NDRG3: variants seen among roughly 807,000 people sequenced by gnomAD.
NDRG3 encodes NDRG family member 3.
NDRG3 carries 23 observed loss-of-function variants against 57.2 expected under a neutral mutation model. The observed-to-expected ratio is 0.40, with a 90% CI of 0.29 to 0.57. The LOEUF is 0.57. NDRG3 is among the 20% of genes least tolerant of loss of function. NDRG3 has a pLI of 0.42. For synonymous variants in NDRG3, 132 were observed against 162.6 expected, an observed-to-expected ratio of 0.81 and a Z score of 1.43; for missense variants, 384 against 457.3, an observed-to-expected ratio of 0.84 and a Z score of 1.46.
chr20:36,690,025 T>G (rs1982135805), intron 3 of NDRG3, among the ~76,000 whole-genome samples: 1 of 152,112 alleles, frequency 6.6e-6, no homozygotes. Flanking sequence ...CAGCCTGTAA[T>G]TGGAACTAAG....
chr20:36,695,259 T>C (rs1982678793), intron 3 of NDRG3, among the ~76,000 whole-genome samples: 1 of 152,192 alleles, frequency 6.6e-6, no homozygotes, highest in South Asian at 2.1e-4. Flanking sequence ...CCTGTGATGA[T>C]TGCGTTAACT....
intron 1 of NDRG3, among the ~76,000 whole-genome samples, chr20:36,739,143 A>T (rs1985778601): frequency 3.0e-5 from 4 of 132,192 alleles, no homozygotes; most frequent in African/African-American, 1.2e-4. Flanking sequence ...TCAAAAAAAA[A>T]AAAAAAAAAA....
rs528837262 is a variant in NDRG3 at position 36,690,221 on chromosome 20, T to C, written c.94-1437A>G. On this transcript the variant is annotated intron_variant, in intron 3 of 15. Coordinates refer to ENST00000349004, the MANE Select transcript of NDRG3 (RefSeq NM_032013.4). ...TTGTACCCTCTACTCCTAAAAGATCTTAACCAAGCCAATCAGTTAAAGATG... is the reference window on the plus strand; with the variant it reads ...TTGTACCCTCTACTCCTAAAAGATCCTAACCAAGCCAATCAGTTAAAGATG... Among the ~76,000 whole-genome samples the C allele has an allele frequency of 1.3e-3, 203 of 152,258 alleles. 1 individual carries two copies. The highest frequency in any genetic ancestry group is 4.6e-3 in the African/African-American group (193 of 41,542).
At chr20:36,683,768 TCCA>T (rs1981539201) in intron 6 of NDRG3, among the ~76,000 whole-genome samples, 1 of 151,782 alleles carries the variant, frequency 6.6e-6, no homozygotes, top group Non-Finnish European at 1.5e-5. Context: ...GCTGTCAGTA[TCCA>T]ACCCATCAGC....
intron 2 of NDRG3, among the ~76,000 whole-genome samples, chr20:36,708,497 C>T (rs1212746713): frequency 6.6e-6 from 1 of 150,822 alleles, no homozygotes; most frequent in Non-Finnish European, 1.5e-5. Flanking sequence ...TAAAAAACTA[C>T]AAAAATTAGC....
In NDRG3 at chr20:36,656,550, T is replaced by G. The variant is rs564007185; in HGVS notation, c.859-18A>C. The G allele has an allele frequency of 1.1e-5, 18 of 1,613,872 alleles. No homozygotes were observed. In the East Asian group the frequency reaches 4.0e-4, roughly 36 times the overall value. The stretch of plus-strand genomic sequence containing the variant: ...TCCGCCATCTAGAAAAGGAAAAATA[T>G]GCAAGTCAGCTGGGACTTACCCTTA... On this transcript the variant is annotated intron_variant, in intron 13 of 15. Transcript: ENST00000349004.
intron 12 of NDRG3, among the ~76,000 whole-genome samples, 172 bp from the exon 13 acceptor site, chr20:36,660,556 A>AT (rs1487562525): frequency 3.7e-4 from 55 of 150,444 alleles, no homozygotes; most frequent in African/African-American, 1.3e-3. Flanking sequence ...TTATTTATTT[A>AT]TTTATTTATT....
At chr20:36,693,955 G>A (rs994299554) in intron 3 of NDRG3, among the ~76,000 whole-genome samples, 25 of 152,130 alleles carry the variant, frequency 1.6e-4, no homozygotes, top group African/African-American at 5.5e-4. Flanking sequence ...CCACAAAACC[G>A]ATCACTGGTG....
chr20:36,657,259 G>T (rs559837833), intron 13 of NDRG3, among the ~76,000 whole-genome samples: 1 of 152,038 alleles, frequency 6.6e-6, no homozygotes, highest in Non-Finnish European at 1.5e-5. Context: ...GGCCGAGGTC[G>T]GGGGGATCAC....
intron 2 of NDRG3, among the ~76,000 whole-genome samples, chr20:36,719,754 A>T (rs1984488316): frequency 6.8e-6 from 1 of 146,326 alleles, no homozygotes; most frequent in Non-Finnish European, 1.5e-5. Flanking sequence ...GGCCTCACTC[A>T]CACAAAGCTA....
chr20:36,744,976 G>GGC lies in NDRG3; in HGVS notation c.-49+1068_-49+1069insGC, dbSNP rs1986116689. Among the ~76,000 whole-genome samples the GGC allele has an allele frequency of 1.3e-5, 2 of 151,424 alleles. 1 individual carries two copies. Among genetic ancestry groups the GGC allele is most frequent in the South Asian group, 4.2e-4 (2 of 4,770 alleles). ...CCTGAGGGCCAGGGTAAGGGGGGGGGGGGGCGCGGCGGGGGTGATCTGGAT... is the reference window on the plus strand; with the variant it reads ...CCTGAGGGCCAGGGTAAGGGGGGGGGGCGGGGCGCGGCGGGGGTGATCTGGAT... On this transcript the variant is annotated intron_variant, in intron 1 of 15. Coordinates refer to ENST00000349004, the MANE Select transcript of NDRG3 (RefSeq NM_032013.4).
chr20:36,738,745 C>G (rs1481870586), intron 1 of NDRG3, among the ~76,000 whole-genome samples: 1 of 148,498 alleles, frequency 6.7e-6, no homozygotes, highest in Non-Finnish European at 1.5e-5. Flanking sequence ...ACTGCTTGAA[C>G]CTGGGAGGCA....
chr20:36,685,715 T>C (rs576287388), intron 5 of NDRG3, among the ~76,000 whole-genome samples: 32 of 152,222 alleles, frequency 2.1e-4, no homozygotes, highest in African/African-American at 7.2e-4. Flanking sequence ...CCTAGAAAAG[T>C]AGTAAGCATC....
chr20:36,693,173 C>T (rs1297239638), intron 3 of NDRG3, among the ~76,000 whole-genome samples: 1 of 103,478 alleles, frequency 9.7e-6, no homozygotes, highest in East Asian at 2.9e-4. Flanking sequence ...TATATATATA[C>T]ACACATATAT....
chr20:36,653,526 G>A lies in NDRG3; in HGVS notation c.1122C>T (p.Ser374=). 6.2e-7 allele frequency: 1 copy of A among 1,613,732 alleles called. No homozygotes were observed. The change falls in exon 16 of 16, where the codon TCC becomes TCT. Residue 374 remains serine (S), a synonymous_variant. Coordinates refer to ENST00000349004, the MANE Select transcript of NDRG3 (RefSeq NM_032013.4). The surrounding 1 kb of genome is among the most constrained non-coding windows in gnomAD (Gnocchi z 4.2). The part of the protein sequence containing the change: ...VLDRHQTMEV[S]C ...CCAGGGGAGGAGCATCTGCTTAGCA[G>A]GACACCTCCATGGTCTGGTGTCTGT...
intron 8 of NDRG3, among the ~76,000 whole-genome samples, chr20:36,671,818 A>C (rs1208253518): frequency 1.3e-5 from 2 of 151,936 alleles, no homozygotes; most frequent in Non-Finnish European, 2.9e-5. Context: ...AAAAAAAAAA[A>C]ACCCCACAAT....
At chr20:36,690,293 A>C (rs569216846) in intron 3 of NDRG3, among the ~76,000 whole-genome samples, 1 of 152,358 alleles carries the variant, frequency 6.6e-6, no homozygotes, top group South Asian at 2.1e-4. Flanking sequence ...CAAAAGATGC[A>C]CCGAGCAAAG....
chr20:36,678,336 G>C (rs1337684890), intron 8 of NDRG3, among the ~76,000 whole-genome samples: 2 of 152,156 alleles, frequency 1.3e-5, no homozygotes, highest in African/African-American at 4.8e-5. Flanking sequence ...TTCACAAGAG[G>C]ATATTCAAGA....
chr20:36,687,540 T>A lies in NDRG3; in HGVS notation c.272A>T (p.His91Leu), dbSNP rs1372119633. 6 of 1,614,016 alleles carry A rather than the reference T, an allele frequency of 3.7e-6. No individual in the cohort carries two copies. Among genetic ancestry groups the A allele is most frequent in the Non-Finnish European group, 5.1e-6 (6 of 1,180,028 alleles). Residue 91 changes from histidine (H) to leucine (L), a missense_variant, in exon 5 of 16, where the codon CAT (histidine) becomes CTT (leucine). His to Leu is a moderately conservative substitution (Grantham distance 99). Coordinates refer to ENST00000349004, the MANE Select transcript of NDRG3 (RefSeq NM_032013.4). ...QEITQHFAVCHVDAPGQQEGA... is the reference protein window; with the variant it reads ...QEITQHFAVCLVDAPGQQEGA... ...TTCCTGCTGGCCTGGGGCATCCACA[T>A]GACAGACAGCAAAGTGCTGGGTGAT...
Sources: allele counts gnomAD v4.1 joint callset (sites outside exome capture counted in the v4.1 genomes callset), GRCh38; gene constraint gnomAD v4.1.1; non-coding constraint Gnocchi (gnomAD v3.1); transcripts MANE v1.5; gene names NCBI Gene and HGNC (gene_info 2026-07-23, HGNC 2026-07-21).